Variants in MAPT observed in about 807,000 individuals in gnomAD.
MAPT encodes the protein microtubule-associated protein tau.
Under a neutral mutation model 67.9 loss-of-function variants are expected in MAPT, and 34 were observed. The observed-to-expected ratio is 0.50, with a 90% confidence interval of 0.38 to 0.67. The LOEUF (loss-of-function observed/expected upper bound fraction) is 0.67. Ranked by LOEUF, MAPT falls within the 30% of genes least tolerant of loss-of-function variation. The pLI, the probability that MAPT is intolerant of heterozygous loss-of-function variation, is 0.00. For missense variants in MAPT, 881 were observed against 1,115.2 expected, an observed-to-expected ratio of 0.79 and a Z score of 2.99; for synonymous variants, 456 against 464.5, an observed-to-expected ratio of 0.98 and a Z score of 0.23.
At chr17:45,998,761 G>T (rs181376172) in intron 9 of MAPT, among the ~76,000 whole-genome samples, 1 of 151,984 alleles carries the variant, frequency 6.6e-6, no homozygotes, top group Non-Finnish European at 1.5e-5. Flanking sequence ...GGGACAATGC[G>T]CTCCCTCGTC....
At chr17:45,963,413 C>G (rs1015091771) in intron 2 of MAPT, among the ~76,000 whole-genome samples, 1 of 152,176 alleles carries the variant, frequency 6.6e-6, no homozygotes, top group African/African-American at 2.4e-5. Flanking sequence ...AGGGTTGGAC[C>G]AAGTTGTCTG....
Position 45,941,685 on chromosome 17 carries a change from T to TCCTTCCTTCCTTCCTG in MAPT, c.-17-20632_-17-20617dup, listed in dbSNP as rs1568207555. ...TTCCCCCCTTCCCCCCTTCCCTCCTTCCTTCCTTCCTTCCTGCCTGCCTTC... is the reference window on the plus strand; with the variant it reads ...TTCCCCCCTTCCCCCCTTCCCTCCTTCCTTCCTTCCTTCCTGCCTTCCTTCCTTCCTGCCTGCCTTC... On this transcript the variant is annotated intron_variant, in intron 1 of 12. Coordinates refer to ENST00000262410, the MANE Select transcript of MAPT (RefSeq NM_001377265.1). Among the ~76,000 whole-genome samples the TCCTTCCTTCCTTCCTG allele has an allele frequency of 2.8e-4, 8 of 28,094 alleles. No homozygotes were observed. In the East Asian group the frequency reaches 0.027, roughly 94 times the overall value. The allele number at this position is 28,094 out of a possible 152,430, so 18.4% of individuals were successfully genotyped here.
chr17:45,919,780 G>GC (rs1381391069), intron 1 of MAPT, among the ~76,000 whole-genome samples: 1 of 152,196 alleles, frequency 6.6e-6, no homozygotes, highest in Non-Finnish European at 1.5e-5. Context: ...TTGCAGGGTG[G>GC]CATGCACCTG....
chr17:45,945,804 C>T (rs557210629), intron 1 of MAPT, among the ~76,000 whole-genome samples: 11 of 82,944 alleles, frequency 1.3e-4, no homozygotes, highest in Admixed American at 3.1e-4. Context: ...CAGAGGGAGA[C>T]GCAATCTCAA....
chr17:46,022,087 G>C (rs1189134042), intron 12 of MAPT, among the ~76,000 whole-genome samples: 1 of 152,186 alleles, frequency 6.6e-6, no homozygotes, highest in Non-Finnish European at 1.5e-5. Flanking sequence ...AGGCATGGTG[G>C]CTCATGCCTG....
chr17:45,898,967 A>C (rs1054777074), intron 1 of MAPT, among the ~76,000 whole-genome samples: 2 of 150,968 alleles, frequency 1.3e-5, no homozygotes, highest in African/African-American at 4.9e-5. Flanking sequence ...TCCCAGAAAC[A>C]CCCCCCTGGC....
chr17:46,023,813 C>A, intron 12 of MAPT, 143 bp from the exon 13 acceptor site: 3 of 732,378 alleles, frequency 4.1e-6, no homozygotes, highest in Non-Finnish European at 4.8e-6. Flanking sequence ...CGCACTCTAG[C>A]CTGGGCGATA....
chr17:46,013,270 A>G (rs1004122545), intron 10 of MAPT, among the ~76,000 whole-genome samples: 4 of 152,184 alleles, frequency 2.6e-5, no homozygotes, highest in Admixed American at 1.3e-4. Context: ...TGGGGACTCC[A>G]GGAATGTCAA....
At chr17:45,957,856 G>GA (rs67811127) in intron 1 of MAPT, among the ~76,000 whole-genome samples, 58 of 146,656 alleles carry the variant, frequency 4.0e-4, no homozygotes, top group East Asian at 9.9e-4. Flanking sequence ...GAATTTGCAG[G>GA]AAAAAAAAAA....
chr17:45,984,844 A>C (rs1258295951), intron 5 of MAPT, among the ~76,000 whole-genome samples: 2 of 152,246 alleles, frequency 1.3e-5, no homozygotes, highest in Admixed American at 6.5e-5. Flanking sequence ...TCAGAGCCAC[A>C]AGGCGAGCTT....
At chr17:45,934,727 C>CT (rs1239051960) in intron 1 of MAPT, among the ~76,000 whole-genome samples, 1 of 152,212 alleles carries the variant, frequency 6.6e-6, no homozygotes, top group African/African-American at 2.4e-5. Context: ...GAACTCTGCT[C>CT]TAAGAGGCAG....
At chr17:45,943,491 A>G (rs116980531) in intron 1 of MAPT, among the ~76,000 whole-genome samples, 2,610 of 152,296 alleles carry the variant, frequency 0.017, 31 homozygotes, top group Middle Eastern at 0.058. Context: ...CTCCCCTGCG[A>G]CTTTCAGAGT....
At chr17:45,937,389 A>G (rs913008660) in intron 1 of MAPT, among the ~76,000 whole-genome samples, 15 of 152,050 alleles carry the variant, frequency 9.9e-5, no homozygotes, top group Non-Finnish European at 2.9e-5. Flanking sequence ...GGAGTTTGAG[A>G]CCAGCCTGGG....
intron 1 of MAPT, among the ~76,000 whole-genome samples, chr17:45,943,907 A>G (rs1180172488): frequency 6.6e-6 from 1 of 152,048 alleles, no homozygotes; most frequent in Non-Finnish European, 1.5e-5. Context: ...TCTCCTCTCC[A>G]GGGCTGCCCC....
At chr17:46,018,783 C>T (rs570644801) in intron 12 of MAPT, 53 bp downstream of exon 12, 12 of 1,266,748 alleles carry the variant, frequency 9.5e-6, no homozygotes, top group Non-Finnish European at 1.3e-5. Context: ...GGGCATTAAT[C>T]AAGTTGAGTG....
intron 10 of MAPT, 144 bp from the exon 11 acceptor site, chr17:46,014,099 A>G: frequency 1.4e-6 from 1 of 693,484 alleles, no homozygotes; most frequent in Non-Finnish European, 2.7e-6. Flanking sequence ...GCTGGGAACC[A>G]CTGTCCAATA....
chr17:45,988,639 T>C (rs1397581985), intron 6 of MAPT, among the ~76,000 whole-genome samples: 1 of 152,052 alleles, frequency 6.6e-6, no homozygotes, highest in African/African-American at 2.4e-5. Context: ...AGAGATAACA[T>C]TGGAGGCTTG....
At chr17:45,912,680 C>A (rs892975270) in intron 1 of MAPT, among the ~76,000 whole-genome samples, 1 of 152,224 alleles carries the variant, frequency 6.6e-6, no homozygotes, top group Admixed American at 6.5e-5. Context: ...AGTTTATGGT[C>A]ATTTCCTACA....
intron 1 of MAPT, among the ~76,000 whole-genome samples, chr17:45,935,769 G>A (rs2067264692): frequency 6.6e-6 from 1 of 152,126 alleles, no homozygotes; most frequent in Non-Finnish European, 1.5e-5. Context: ...GCACAGAGGA[G>A]GCTGTTTCAT....
Sources: allele counts gnomAD v4.1 joint callset (sites outside exome capture counted in the v4.1 genomes callset), GRCh38; gene constraint gnomAD v4.1.1; transcripts MANE v1.5; gene names NCBI Gene and HGNC (gene_info 2026-07-23, HGNC 2026-07-21).